GPR155: variants seen among roughly 807,000 people sequenced by gnomAD.
GPR155 encodes the protein lysosomal cholesterol signaling protein.
A neutral mutation model predicts 93.1 loss-of-function variants in GPR155; 65 were observed. The observed-to-expected ratio is 0.70, with a 90% CI of 0.57 to 0.86. GPR155 has a LOEUF of 0.86. GPR155 is among the 40% of genes least tolerant of loss of function. The pLI, the probability that GPR155 is intolerant of heterozygous loss-of-function variation, is 0.00. For missense variants in GPR155, 838 were observed against 1,034.8 expected, an observed-to-expected ratio of 0.81 and a Z score of 2.61; for synonymous variants, 319 against 360.1, an observed-to-expected ratio of 0.89 and a Z score of 1.29.
chr2:174,442,352 C>G (rs1686990369), intron 13 of GPR155, among the ~76,000 whole-genome samples, 169 bp from the exon 14 acceptor site: 1 of 152,314 alleles, frequency 6.6e-6, no homozygotes, highest in East Asian at 1.9e-4. Context: ...AGGTATGATG[C>G]TTTGCTGCCT....
chr2:174,484,397 C>T (rs1026092568), intron 1 of GPR155, among the ~76,000 whole-genome samples: 2 of 152,224 alleles, frequency 1.3e-5, no homozygotes, highest in African/African-American at 4.8e-5. Context: ...ATAAATTAAT[C>T]CAGTCTTCTG....
intron 1 of GPR155, among the ~76,000 whole-genome samples, chr2:174,482,500 A>G (rs1459587932): frequency 2.0e-5 from 3 of 152,330 alleles, no homozygotes. Flanking sequence ...ATATTTGAAT[A>G]TAGGATGGGA....
At chr2:174,445,611 C>T (rs1037549308) in intron 12 of GPR155, among the ~76,000 whole-genome samples, 1 of 152,186 alleles carries the variant, frequency 6.6e-6, no homozygotes. Flanking sequence ...TCACGAGCAT[C>T]CCAGTGTGCA....
chr2:174,481,399 A>C (rs1688314647), intron 2 of GPR155, 98 bp downstream of exon 2: 1 of 734,332 alleles, frequency 1.4e-6, no homozygotes, highest in Non-Finnish European at 2.2e-6. Context: ...AAAAATGAAA[A>C]ACTTCTTAGA....
chr2:174,471,754 A>C (rs965681855), intron 3 of GPR155, among the ~76,000 whole-genome samples: 42 of 152,208 alleles, frequency 2.8e-4, no homozygotes, highest in African/African-American at 9.9e-4. Flanking sequence ...TATCTAATTA[A>C]GTATCAAAGA....
intron 15 of GPR155, 52 bp downstream of exon 15, chr2:174,439,846 A>G (rs1355025011): frequency 2.7e-6 from 4 of 1,501,632 alleles, no homozygotes; most frequent in Admixed American, 3.6e-5. Context: ...AAATTAATCA[A>G]TTAATCATTT....
At chr2:174,446,389 C>A (rs906737791) in intron 12 of GPR155, among the ~76,000 whole-genome samples, 10 of 147,524 alleles carry the variant, frequency 6.8e-5, no homozygotes, top group Non-Finnish European at 7.5e-5. Context: ...ATAAATGATT[C>A]TAAGCAGAAT....
At chr2:174,447,408 ATATT>A (rs1325783926) in intron 11 of GPR155, among the ~76,000 whole-genome samples, 2 of 146,490 alleles carry the variant, frequency 1.4e-5, no homozygotes, top group Admixed American at 1.4e-4. Flanking sequence ...TTTATTTTAT[ATATT>A]AGTTATATAA....
intron 11 of GPR155, among the ~76,000 whole-genome samples, chr2:174,448,530 GTT>G (rs565221876): frequency 6.9e-5 from 7 of 100,970 alleles, no homozygotes; most frequent in African/African-American, 2.5e-4. Context: ...TTTGTTTTTT[GTT>G]TTTTTTTTTT....
Position 174,466,544 on chromosome 2 carries a change from C to T in GPR155, c.1266G>A (p.Gln422=). 6.8e-7 allele frequency: 1 copy of T among 1,461,438 alleles called. No individual in the cohort carries two copies. The highest frequency in any genetic ancestry group is 9.5e-7 in the Non-Finnish European group (1 of 1,047,556). 90.5% of individuals were successfully genotyped at this position (1,461,438 alleles called of 1,614,324 possible). Residue 422 remains glutamine (Q), a splice_region_variant and synonymous_variant, in exon 6 of 16, where the codon CAG becomes CAA. Transcript: ENST00000392552. ...TCTAAATATCAGTAGTTTTACTAAC[C>T]TGAGCAATGAGTAAATTAGTTGTAA... ...HMLTTNLLIA[Q]SIVCAGMMIW...
rs572067166 is a variant in GPR155, at chr2:174,462,987, G to C, written c.1385-1315C>G. Among the ~76,000 whole-genome samples, 13 of 152,162 alleles carry C rather than the reference G, an allele frequency of 8.5e-5. No homozygotes were observed. In the East Asian group the frequency reaches 2.5e-3, roughly 29 times the overall value. ...AGGGCAGAGTGAGACTAGAAACCTG[G>C]CCTTTTGACACAAGCTAAATTCTTT... On this transcript the variant is annotated intron_variant, in intron 7 of 15. Transcript: ENST00000392552.
In GPR155 at chr2:174,444,932, C is replaced by T. The variant is rs955007279; in HGVS notation, c.2109+149G>A. The T allele has an allele frequency of 8.3e-6, 5 of 599,298 alleles. No individual in the cohort carries two copies. The Admixed American group carries it at 9.0e-5, about 11-fold the overall frequency. The allele number at this position is 599,298 out of a possible 1,614,324, so 37.1% of individuals were successfully genotyped here. A position where few individuals can be genotyped will look rare whatever the true frequency, so the allele number is the denominator to read the frequency against. On this transcript the variant is annotated intron_variant, in intron 13 of 15. Transcript: ENST00000392552. ...GAAGACAAGCAGCAGCTGTCAGCTG[C>T]CATGCATACCAGCAGCTGGCAAACA... is the stretch of plus-strand genomic sequence containing the variant.
chr2:174,467,096 G>T (rs1687859128), intron 5 of GPR155, among the ~76,000 whole-genome samples: 1 of 152,146 alleles, frequency 6.6e-6, no homozygotes, highest in African/African-American at 2.4e-5. Flanking sequence ...GGTGGAGGTT[G>T]CAGTGAGCCA....
At position 174,436,000 on chromosome 2, in the gene GPR155, G is replaced by C. The variant is rs1686766711; in HGVS notation, c.*116C>G. On this transcript the variant is annotated 3_prime_UTR_variant, in exon 16 of 16. Transcript: ENST00000392552. ...GCACATCTTTTCACATTTTACAGAA[G>C]AGACAACTGAGGCTCAGAGAGGTTG... is the stretch of plus-strand genomic sequence containing the variant. 1.3e-6 allele frequency: 1 copy of C among 742,002 alleles called. No individual in the cohort carries two copies. Among genetic ancestry groups the C allele is most frequent in the Non-Finnish European group, 2.3e-6 (1 of 438,026 alleles). The allele number at this position is 742,002 out of a possible 1,614,324, so 46.0% of individuals were successfully genotyped here.
At chr2:174,473,524 G>T (rs1449076534) in intron 2 of GPR155, among the ~76,000 whole-genome samples, 160 bp from the exon 3 acceptor site, 1 of 151,876 alleles carries the variant, frequency 6.6e-6, no homozygotes, top group Non-Finnish European at 1.5e-5. Flanking sequence ...TAATAAAGCT[G>T]AAAAAAGAAA....
chr2:174,443,619 C>G lies in GPR155; in HGVS notation c.2110-1436G>C, dbSNP rs182766027. ...TAGCAGGTGCCTGTAGTCCTAGCTACTCAGGAGGCTGAGGTAGGAGAACCA... is the reference window on the plus strand; with the variant it reads ...TAGCAGGTGCCTGTAGTCCTAGCTAGTCAGGAGGCTGAGGTAGGAGAACCA... On this transcript the variant is annotated intron_variant, in intron 13 of 15. Transcript: ENST00000392552. Among the ~76,000 whole-genome samples the G allele has an allele frequency of 7.7e-4, 117 of 152,174 alleles. 2 individuals are homozygous for G. In the East Asian group the frequency reaches 0.021, roughly 27 times the overall value.
chr2:174,481,574 T>C lies in GPR155; in HGVS notation c.383A>G (p.Asp128Gly). The C allele has an allele frequency of 6.2e-7, 1 of 1,613,634 alleles. No individual in the cohort carries two copies. The highest frequency in any genetic ancestry group is 2.2e-5 in the East Asian group (1 of 44,872). Reference protein sequence around the residue: ...CVLTLLVASPDSRFSKAGLFP... With the variant: ...CVLTLLVASPGSRFSKAGLFP... ...TAGTCCAGCTTTGCTAAATCGACTA[T>C]CAGGACTGGCAACCAATAAGGTTAA... is the stretch of plus-strand genomic sequence containing the variant. Residue 128 changes from aspartate to glycine, a missense_variant, in exon 2 of 16, where the codon GAT (aspartate) becomes GGT (glycine). By Grantham distance (94) the Asp-to-Gly change is moderately conservative (BLOSUM62 -1). Transcript: ENST00000392552.
rs773860478 is a variant in GPR155 at position 174,482,006 on chromosome 2, A to C, written c.-31-19T>G. 1 of 1,267,228 alleles carries C rather than the reference A, an allele frequency of 7.9e-7. No homozygotes were observed. Among genetic ancestry groups the C allele is most frequent in the African/African-American group, 1.5e-5 (1 of 67,610 alleles). The allele number at this position is 1,267,228 out of a possible 1,614,324, so 78.5% of individuals were successfully genotyped here. A position where few individuals can be genotyped will look rare whatever the true frequency, so the allele number is the denominator to read the frequency against. On this transcript the variant is annotated intron_variant, in intron 1 of 15. Transcript: ENST00000392552. ...CAGATCTCTGGAAAGAAAGGAAGAA[A>C]GATTCAGTATGGCCATCAACAAGAA...
chr2:174,449,668 A>C (rs1687259672), intron 11 of GPR155, among the ~76,000 whole-genome samples: 1 of 152,096 alleles, frequency 6.6e-6, no homozygotes, highest in Non-Finnish European at 1.5e-5. Context: ...AACATGGCGA[A>C]ACCCTGTCTC....
Sources: gnomAD v4.1 joint callset for allele counts (sites outside exome capture counted in the v4.1 genomes callset) on GRCh38, gnomAD v4.1.1 for gene constraint, MANE v1.5 for transcripts, NCBI Gene and HGNC (gene_info 2026-07-23, HGNC 2026-07-21) for gene names.